The following HNF4G variants were observed in gnomAD, a reference collection of about 807,000 sequenced individuals.
HNF4G encodes hepatocyte nuclear factor 4-gamma.
HNF4G carries 21 observed loss-of-function variants against 50.9 expected under a neutral mutation model. The ratio of observed to expected loss-of-function variants is 0.41; its 90% CI spans 0.29 to 0.59. The LOEUF is 0.59. Among genes scored for constraint, HNF4G ranks in the 20% least tolerant of loss-of-function variants. The pLI is 0.26. For missense variants in HNF4G, 527 were observed against 559.4 expected (o/e 0.94, Z 0.58); for synonymous variants, 198 against 185.6 (o/e 1.07, Z -0.54).
chr8:75,559,040 G>A lies in HNF4G; in HGVS notation c.1123+3G>A, dbSNP rs1386487271. 1 of 1,444,782 alleles carries A rather than the reference G, an allele frequency of 6.9e-7. No homozygotes were observed. The highest frequency in any genetic ancestry group is 9.7e-7 in the Non-Finnish European group (1 of 1,025,734). The allele number at this position is 1,444,782 out of a possible 1,614,324, so 89.5% of individuals were successfully genotyped here. ...ACTTCAGGAAATGCTATTAGGTGGT[G>A]AGTACATTGAATAATTTCTACTTTA... On this transcript the variant is annotated splice_donor_region_variant and intron_variant, in intron 8 of 9. Transcript: ENST00000396423.
At chr8:75,451,423 A>G (rs906674630) in intron 1 of HNF4G, among the ~76,000 whole-genome samples, 1 of 152,102 alleles carries the variant, frequency 6.6e-6, no homozygotes, top group African/African-American at 2.4e-5. Flanking sequence ...GCCCAGAGAA[A>G]TGTCATGGAG....
intron 1 of HNF4G, among the ~76,000 whole-genome samples, chr8:75,419,030 A>C (rs942813257): frequency 6.6e-6 from 1 of 152,248 alleles, no homozygotes; most frequent in East Asian, 1.9e-4. Context: ...CCTGCCTGTG[A>C]TAAGTCTCTT....
chr8:75,430,975 A>G (rs559201994), intron 1 of HNF4G, among the ~76,000 whole-genome samples: 2 of 152,294 alleles, frequency 1.3e-5, no homozygotes, highest in South Asian at 2.1e-4. Flanking sequence ...TATTAAAAAT[A>G]TGGTAAAAGA....
chr8:75,538,270 C>A (rs1806522711), upstream of HNF4G, among the ~76,000 whole-genome samples: 1 of 152,150 alleles, frequency 6.6e-6, no homozygotes, highest in South Asian at 2.1e-4. Flanking sequence ...TCTGTAGCCC[C>A]TTTCACCTTA....
chr8:75,487,017 T>G (rs916585589), intron 1 of HNF4G, among the ~76,000 whole-genome samples: 2 of 147,146 alleles, frequency 1.4e-5, no homozygotes, highest in Non-Finnish European at 3.0e-5. Context: ...AAAAAAATGA[T>G]AAGAAAAAAC....
intron 1 of HNF4G, among the ~76,000 whole-genome samples, chr8:75,471,835 G>A (rs559008630): frequency 4.3e-4 from 66 of 152,198 alleles, no homozygotes; most frequent in African/African-American, 1.6e-3. Context: ...GTGAAATTGG[G>A]GAAACCTTAA....
chr8:75,525,050 T>G (rs1056646753), intron 2 of HNF4G, among the ~76,000 whole-genome samples: 23 of 152,146 alleles, frequency 1.5e-4, no homozygotes, highest in Non-Finnish European at 2.9e-4. Flanking sequence ...GCCCCAGTTC[T>G]CAAAGTGTTA....
At chr8:75,515,879 C>T (rs993252376) in intron 2 of HNF4G, among the ~76,000 whole-genome samples, 1 of 151,996 alleles carries the variant, frequency 6.6e-6, no homozygotes. Flanking sequence ...GATTCTCCTG[C>T]CTCAGCCTCC....
intron 1 of HNF4G, among the ~76,000 whole-genome samples, chr8:75,468,755 T>G (rs1188629069): frequency 6.6e-6 from 1 of 152,176 alleles, no homozygotes; most frequent in African/African-American, 2.4e-5. Context: ...TCAATGTTTT[T>G]CCCTTTCCCT....
At chr8:75,500,047 T>C (rs553478104) in intron 2 of HNF4G, among the ~76,000 whole-genome samples, 42 of 152,228 alleles carry the variant, frequency 2.8e-4, no homozygotes, top group African/African-American at 8.2e-4. Flanking sequence ...AAATTAACCA[T>C]TGTGCTTCAA....
chr8:75,488,522 C>A (rs539876848), intron 1 of HNF4G, among the ~76,000 whole-genome samples: 3 of 152,182 alleles, frequency 2.0e-5, no homozygotes, highest in South Asian at 4.2e-4. Context: ...AAGTGATCTG[C>A]CCACCTCAGC....
chr8:75,545,204 A>C (rs1046283920), intron 2 of HNF4G, among the ~76,000 whole-genome samples: 1 of 151,456 alleles, frequency 6.6e-6, no homozygotes, highest in South Asian at 2.1e-4. Context: ...CCTGTAAACC[A>C]TACCTTCTGG....
chr8:75,490,982 C>A (rs1812616256), intron 2 of HNF4G, among the ~76,000 whole-genome samples: 1 of 152,134 alleles, frequency 6.6e-6, no homozygotes, highest in Non-Finnish European at 1.5e-5. Context: ...TATTTCAGTG[C>A]CTCTTATAGT....
At chr8:75,540,202 T>C in intron 1 of HNF4G, 122 bp downstream of exon 1, 2 of 609,986 alleles carry the variant, frequency 3.3e-6, no homozygotes, top group South Asian at 4.1e-5. Context: ...GGCTTGCTTT[T>C]AAGGCCACAG....
intron 1 of HNF4G, among the ~76,000 whole-genome samples, chr8:75,434,149 G>T (rs997624346): frequency 1.3e-5 from 2 of 151,342 alleles, no homozygotes; most frequent in East Asian, 1.9e-4. Context: ...GATTATAGGC[G>T]CCTGCCACCC....
chr8:75,504,230 G>GACACACACAC lies in HNF4G; in HGVS notation c.-24+14059_-24+14068dup, dbSNP rs201513424. Among the ~76,000 whole-genome samples the GACACACACAC allele has an allele frequency of 1.4e-3, 150 of 108,308 alleles. 1 individual carries two copies. The highest frequency in any genetic ancestry group is 9.0e-3 in the East Asian group (37 of 4,096). The allele number at this position is 108,308 out of a possible 152,430, so 71.1% of individuals were successfully genotyped here. On this transcript the variant is annotated intron_variant, in intron 2 of 10. Coordinates refer to the HNF4G transcript ENST00000354370. Reference sequence around the variant, plus strand: ...AGTAAGACTTTGTCCAAAGCACACAGACACACACACACACACACACACACA... The same window carrying GACACACACAC: ...AGTAAGACTTTGTCCAAAGCACACAGACACACACACACACACACACACACACACACACACA...
chr8:75,476,805 C>T (rs796584262), intron 1 of HNF4G, among the ~76,000 whole-genome samples: 7 of 152,238 alleles, frequency 4.6e-5, no homozygotes, highest in African/African-American at 1.7e-4. Context: ...AGATAAATTC[C>T]TTTACCTGCT....
At chr8:75,462,428 C>T (rs1811876633) in intron 1 of HNF4G, among the ~76,000 whole-genome samples, 1 of 152,092 alleles carries the variant, frequency 6.6e-6, no homozygotes, top group Admixed American at 6.5e-5. Flanking sequence ...AGAGTGGATT[C>T]AGGACAAAGG....
chr8:75,556,148 G>A, intron 6 of HNF4G, 79 bp downstream of exon 6: 1 of 637,274 alleles, frequency 1.6e-6, no homozygotes, highest in Non-Finnish European at 2.6e-6. Flanking sequence ...TGTTCTGTAT[G>A]TACCAAGTAT....
Sources: gnomAD v4.1 joint callset for allele counts (sites outside exome capture counted in the v4.1 genomes callset) on GRCh38, gnomAD v4.1.1 for gene constraint, MANE v1.5 for transcripts, NCBI Gene and HGNC (gene_info 2026-07-23, HGNC 2026-07-21) for gene names.